The following ADGRE3 variants were observed in gnomAD, a reference collection of about 807,000 sequenced individuals.
ADGRE3 encodes the protein adhesion G protein-coupled receptor E3, also known as EGF-like module receptor 3.
Under a neutral mutation model 80.1 loss-of-function variants are expected in ADGRE3, and 88 were observed. The observed-to-expected ratio is 1.10, with a 90% CI of 0.93 to 1.31. ADGRE3 has a LOEUF of 1.31. Among genes scored for constraint, ADGRE3 ranks in the 40% most tolerant of loss-of-function variants. ADGRE3 has a pLI of 0.00. For missense variants in ADGRE3, 715 were observed against 776.5 expected (o/e 0.92, Z 0.94); for synonymous variants, 281 against 294.8 (o/e 0.95, Z 0.48).
intron 5 of ADGRE3, among the ~76,000 whole-genome samples, chr19:14,657,745 AT>A (rs1555762014): frequency 6.3e-5 from 8 of 126,118 alleles, no homozygotes; most frequent in Non-Finnish European, 1.1e-4. Context: ...ATATATATAT[AT>A]TTTTTTGTTT....
chr19:14,653,304 A>G (rs1281303739), intron 6 of ADGRE3, among the ~76,000 whole-genome samples: 1 of 151,902 alleles, frequency 6.6e-6, no homozygotes, highest in African/African-American at 2.4e-5. Flanking sequence ...CATCCATTAT[A>G]TTATCGCTTG....
chr19:14,619,410 A>T lies in ADGRE3; in HGVS notation c.*23T>A. The stretch of plus-strand genomic sequence containing the variant: ...AAGAGATCCATGGATATGATTTTCC[A>T]TATGGAGTTGAATATTCTAGTTTTA... On this transcript the variant is annotated 3_prime_UTR_variant, in exon 16 of 16. Transcript: ENST00000253673. 1.3e-6 allele frequency: 2 copies of T among 1,502,176 alleles called. No homozygotes were observed. Among genetic ancestry groups the T allele is most frequent in the Non-Finnish European group, 9.3e-7 (1 of 1,079,272 alleles). The allele number at this position is 1,502,176 out of a possible 1,614,324, so 93.1% of individuals were successfully genotyped here.
At chr19:14,658,239 A>G (rs1255683748) in intron 5 of ADGRE3, among the ~76,000 whole-genome samples, 1 of 151,650 alleles carries the variant, frequency 6.6e-6, no homozygotes, top group Non-Finnish European at 1.5e-5. Context: ...CTATCTATCT[A>G]TAGATATATG....
chr19:14,611,515 C>G, the ADGRE3 span, among the ~76,000 whole-genome samples: 1 of 151,338 alleles, frequency 6.6e-6, no homozygotes, highest in Non-Finnish European at 1.5e-5. Flanking sequence ...GTAGCTGGGA[C>G]TACAGGCGTT....
chr19:14,641,843 G>A (rs967267342), intron 9 of ADGRE3, among the ~76,000 whole-genome samples: 4 of 152,210 alleles, frequency 2.6e-5, no homozygotes, highest in Non-Finnish European at 5.9e-5. Context: ...AATACAGACT[G>A]CTAATGTGAT....
rs1173314767 is a variant in ADGRE3 at position 14,636,081 on chromosome 19, C to CCTTTCTTTCTTTCTTTCTTT, written c.1484+2004_1484+2023dup. 3.2e-4 allele frequency among the ~76,000 whole-genome samples: 8 copies of CCTTTCTTTCTTTCTTTCTTT among 24,674 alleles called. No individual in the cohort carries two copies. The East Asian group carries it at 4.4e-3, about 14-fold the overall frequency. The allele number at this position is 24,674 out of a possible 152,430, so 16.2% of individuals were successfully genotyped here. A position where few individuals can be genotyped will look rare whatever the true frequency, so the allele number is the denominator to read the frequency against. On this transcript the variant is annotated intron_variant, in intron 11 of 15. Transcript: ENST00000253673. ...CCTTCCTTTCCTTTCCTTTCCTTTC[C>CCTTTCTTTCTTTCTTTCTTT]CTTTCTTTCTTTCTTTCTTTCTTTC...
At position 14,647,201 on chromosome 19, in the gene ADGRE3, G is replaced by A; in HGVS notation, c.862C>T (p.Leu288=). 1 of 1,613,848 alleles carries A rather than the reference G, an allele frequency of 6.2e-7. No individual in the cohort carries two copies. The highest frequency in any genetic ancestry group is 8.5e-7 in the Non-Finnish European group (1 of 1,179,904). The part of the protein sequence containing the change: ...RNVSLSKSVT[L]TFQHVKMTPS... ...CCCACCTTCACGTGCTGGAAAGTCA[G>A]CGTCACAGACTTGGAGAGAGACACG... The change falls in exon 8 of 16, where the codon CTG becomes TTG. Residue 288 remains leucine, a synonymous_variant. Coordinates refer to ENST00000253673, the MANE Select transcript of ADGRE3 (RefSeq NM_032571.5).
Position 14,628,032 on chromosome 19 carries a change from G to A in ADGRE3, c.1812+2007C>T, listed in dbSNP as rs183050820. Among the ~76,000 whole-genome samples, 437 of 152,070 alleles carry A rather than the reference G, an allele frequency of 2.9e-3. 3 individuals are homozygous for A. The highest frequency in any genetic ancestry group is 0.01 in the African/African-American group (425 of 41,478). On this transcript the variant is annotated intron_variant, in intron 14 of 15. Transcript: ENST00000253673. ...AATCCCAGCTACTCAGGAGGCTGAGGCAGGATAATCACTTGAACCCGGGAG... is the reference window on the plus strand; with the variant it reads ...AATCCCAGCTACTCAGGAGGCTGAGACAGGATAATCACTTGAACCCGGGAG...
intron 15 of ADGRE3, among the ~76,000 whole-genome samples, chr19:14,620,548 T>TTATATATATA: frequency 8.0e-5 from 2 of 24,976 alleles, no homozygotes; most frequent in East Asian, 3.0e-3. Flanking sequence ...TATATATATA[T>TTATATATATA]TATATATATA....
the ADGRE3 span, among the ~76,000 whole-genome samples, chr19:14,604,511 C>A: frequency 6.6e-6 from 1 of 152,096 alleles, no homozygotes; most frequent in South Asian, 2.1e-4. Flanking sequence ...GACTGTAATC[C>A]CAGCACTTTG....
chr19:14,656,892 G>A lies in ADGRE3; in HGVS notation c.393+1621C>T, dbSNP rs115564323. 5.6e-3 allele frequency among the ~76,000 whole-genome samples: 850 copies of A among 152,124 alleles called. 11 individuals are homozygous for A. Among genetic ancestry groups the A allele is most frequent in the African/African-American group, 0.02 (810 of 41,528 alleles). On this transcript the variant is annotated intron_variant, in intron 5 of 15. Coordinates refer to ENST00000253673, the MANE Select transcript of ADGRE3 (RefSeq NM_032571.5). ...ATTTCTTCTTAACTCCTATATCATT[G>A]TGTATTTATTTATTTATTTTTGAGA...
chr19:14,658,403 A>G, intron 5 of ADGRE3, 110 bp downstream of exon 5: 1 of 443,504 alleles, frequency 2.3e-6, no homozygotes, highest in Admixed American at 4.2e-5. Context: ...ATGTATATAT[A>G]ATATATATTT....
At chr19:14,633,333 G>C (rs1970936796) in intron 11 of ADGRE3, 31 bp from the exon 12 acceptor site, 3 of 1,548,050 alleles carry the variant, frequency 1.9e-6, no homozygotes, top group Admixed American at 1.8e-5. Flanking sequence ...GATACAAAGA[G>C]AGATCAGAGA....
chr19:14,647,280 A>C lies in ADGRE3; in HGVS notation c.783T>G (p.Asp261Glu). The C allele has an allele frequency of 3.7e-6, 6 of 1,613,324 alleles. No homozygotes were observed. Among genetic ancestry groups the C allele is most frequent in the Non-Finnish European group, 5.1e-6 (6 of 1,179,304 alleles). The change falls in exon 8 of 16, where the codon GAT becomes GAG. Residue 261 changes from aspartate to glutamate, a missense_variant. Physicochemically the swap from Asp to Glu is conservative, Grantham distance 45. Transcript: ENST00000253673. ...ATFFEEMDKKDQVYLNSQVVS... is the reference protein window; with the variant it reads ...ATFFEEMDKKEQVYLNSQVVS... The stretch of plus-strand genomic sequence containing the variant: ...CAACCTGAGAGTTCAGATACACTTG[A>C]TCTTTCTTATCCATCTCTTCAAAAA...
intron 14 of ADGRE3, 51 bp from the exon 15 acceptor site, chr19:14,625,650 A>G (rs1362359468): frequency 8.8e-7 from 1 of 1,130,414 alleles, no homozygotes; most frequent in South Asian, 1.2e-5. Flanking sequence ...ATTGGTGAAC[A>G]GCAGAAAGGT....
At chr19:14,653,943 G>GTT (rs1345464784) in intron 6 of ADGRE3, among the ~76,000 whole-genome samples, 1 of 48,352 alleles carries the variant, frequency 2.1e-5, no homozygotes, top group African/African-American at 1.5e-4. Flanking sequence ...TGCTGTGTGT[G>GTT]TGTTTTTTTT....
chr19:14,623,138 G>A (rs1210752887), intron 15 of ADGRE3, among the ~76,000 whole-genome samples: 1 of 39,828 alleles, frequency 2.5e-5, no homozygotes, highest in Non-Finnish European at 4.9e-5. Flanking sequence ...TGCCATAACA[G>A]ACCACTGTAT....
At chr19:14,643,988 G>T in intron 9 of ADGRE3, 120 bp downstream of exon 9, 1 of 601,770 alleles carries the variant, frequency 1.7e-6, no homozygotes, top group Non-Finnish European at 2.5e-6. Context: ...TGGGATTAAA[G>T]GCATGAGTCA....
chr19:14,608,203 T>C, the ADGRE3 span, among the ~76,000 whole-genome samples: 1 of 152,170 alleles, frequency 6.6e-6, no homozygotes, highest in African/African-American at 2.4e-5. Context: ...AAAATTCCTG[T>C]CCTGTTTGGT....
Sources: allele counts gnomAD v4.1 joint callset (sites outside exome capture counted in the v4.1 genomes callset), GRCh38; gene constraint gnomAD v4.1.1; transcripts MANE v1.5; gene names NCBI Gene and HGNC (gene_info 2026-07-23, HGNC 2026-07-21).